Variants in ARHGAP26 observed in about 807,000 individuals in gnomAD.
ARHGAP26 encodes the protein Rho GTPase activating protein 26, also known as rho GTPase-activating protein 26.
Under a neutral mutation model 104.8 loss-of-function variants are expected in ARHGAP26, and 38 were observed. That is an observed-to-expected ratio of 0.36 (90% CI 0.28 to 0.48). ARHGAP26 has a LOEUF of 0.48. ARHGAP26 is among the 20% of genes least tolerant of loss of function. The pLI is 0.99. For synonymous variants in ARHGAP26, 341 were observed against 340.0 expected (o/e 1.00, Z -0.03); for missense variants, 704 against 947.9 (o/e 0.74, Z 3.38).
chr5:143,224,577 A>G lies in ARHGAP26; in HGVS notation c.*2131A>G, dbSNP rs1811511703. 1 of 231,382 alleles carries G rather than the reference A, an allele frequency of 4.3e-6. No homozygotes were observed. The highest frequency in any genetic ancestry group is 2.2e-5 in the African/African-American group (1 of 45,234). The allele number at this position is 231,382 out of a possible 1,614,324, so 14.3% of individuals were successfully genotyped here. On this transcript the variant is annotated 3_prime_UTR_variant, in exon 23 of 23. Transcript: ENST00000645722. ...CCCCAAGATATCAGGCCAGAAAGAG[A>G]TGAGTCAGTTGCTGTGCTCTTTACT... is the stretch of plus-strand genomic sequence containing the variant.
intron 18 of ARHGAP26, among the ~76,000 whole-genome samples, chr5:143,132,738 C>T (rs1318689233): frequency 1.3e-5 from 2 of 151,842 alleles, no homozygotes; most frequent in Non-Finnish European, 2.9e-5. Flanking sequence ...AACCACAGAA[C>T]GTGTTTGCCT....
intron 1 of ARHGAP26, among the ~76,000 whole-genome samples, chr5:142,872,603 C>A (rs1328770689): frequency 6.6e-6 from 1 of 152,234 alleles, no homozygotes; most frequent in Non-Finnish European, 1.5e-5. Flanking sequence ...CCGGAAGGAT[C>A]ACTGGCTTTC....
chr5:143,023,194 G>A (rs1219790493), intron 12 of ARHGAP26, among the ~76,000 whole-genome samples: 26 of 152,212 alleles, frequency 1.7e-4, no homozygotes, highest in Admixed American at 1.6e-3. Flanking sequence ...TCTTTAGGCC[G>A]TCATTCAGAG....
chr5:142,962,955 C>T (rs1221333168), intron 11 of ARHGAP26, among the ~76,000 whole-genome samples: 1 of 151,846 alleles, frequency 6.6e-6, no homozygotes, highest in African/African-American at 2.4e-5. Flanking sequence ...CCTTCTCCCA[C>T]CCTCCACTCT....
In ARHGAP26 at chr5:143,023,930, C is replaced by T. The variant is rs543495998; in HGVS notation, c.1144+9814C>T. Among the ~76,000 whole-genome samples, 11 of 152,306 alleles carry T rather than the reference C, an allele frequency of 7.2e-5. No individual in the cohort carries two copies. In the East Asian group the frequency reaches 1.9e-3, roughly 27 times the overall value. ...TCCTCTCTCCTGTGCATGCAGTTTC[C>T]GTGGCCACCACTTTCATCTTCTGAG... is the stretch of plus-strand genomic sequence containing the variant. On this transcript the variant is annotated intron_variant, in intron 12 of 22. Transcript: ENST00000645722.
In ARHGAP26 at chr5:142,970,009, A is replaced by C. The variant is rs529766949; in HGVS notation, c.1107+37884A>C. 2.0e-5 allele frequency among the ~76,000 whole-genome samples: 3 copies of C among 152,360 alleles called. No homozygotes were observed. The South Asian group carries it at 6.2e-4, about 32-fold the overall frequency. On this transcript the variant is annotated intron_variant, in intron 11 of 22. Coordinates refer to ENST00000645722, the MANE Select transcript of ARHGAP26 (RefSeq NM_001135608.3). Reference sequence around the variant, plus strand: ...GCATCTTGGTAGGCAGAAAGGAAGAATACAGCATTTTATTTTCTGCCAGTG... The same window carrying C: ...GCATCTTGGTAGGCAGAAAGGAAGACTACAGCATTTTATTTTCTGCCAGTG...
intron 3 of ARHGAP26, among the ~76,000 whole-genome samples, chr5:142,877,216 T>C (rs1756254714): frequency 6.6e-6 from 1 of 152,212 alleles, no homozygotes; most frequent in South Asian, 2.1e-4. Context: ...AGCAAGCCCC[T>C]TCTCTACCTC....
At chr5:142,831,340 C>G (rs1396424017) in intron 1 of ARHGAP26, among the ~76,000 whole-genome samples, 1 of 152,032 alleles carries the variant, frequency 6.6e-6, no homozygotes, top group Non-Finnish European at 1.5e-5. Context: ...TCTCCCACCC[C>G]CTGGCCTTTC....
At chr5:142,793,338 G>A (rs1337034350) in intron 1 of ARHGAP26, among the ~76,000 whole-genome samples, 2 of 145,216 alleles carry the variant, frequency 1.4e-5, no homozygotes, top group Non-Finnish European at 3.0e-5. Flanking sequence ...AAGCATGCTA[G>A]TTTGAAATAC....
chr5:142,820,702 T>G (rs951147217), intron 1 of ARHGAP26, among the ~76,000 whole-genome samples: 1 of 152,192 alleles, frequency 6.6e-6, no homozygotes, highest in African/African-American at 2.4e-5. Flanking sequence ...CAAAAGCCTT[T>G]TCTTTTGAAT....
chr5:142,793,014 T>C (rs1406471905), intron 1 of ARHGAP26, among the ~76,000 whole-genome samples: 1 of 152,146 alleles, frequency 6.6e-6, no homozygotes, highest in Non-Finnish European at 1.5e-5. Context: ...AACCCATGGG[T>C]ATTCCCCCTA....
At chr5:142,903,881 G>A (rs1339536870) in intron 8 of ARHGAP26, among the ~76,000 whole-genome samples, 2 of 152,150 alleles carry the variant, frequency 1.3e-5, no homozygotes, top group African/African-American at 4.8e-5. Context: ...TTGGGAACCT[G>A]CAATTCTTTA....
intron 14 of ARHGAP26, among the ~76,000 whole-genome samples, chr5:143,051,958 C>G (rs3776344): frequency 6.6e-6 from 1 of 151,912 alleles, no homozygotes; most frequent in Non-Finnish European, 1.5e-5. Flanking sequence ...CAGCTCTCCA[C>G]GTGTCTTAGG....
chr5:143,151,567 C>T (rs778553427), intron 20 of ARHGAP26, among the ~76,000 whole-genome samples: 8 of 152,106 alleles, frequency 5.3e-5, no homozygotes, highest in East Asian at 3.8e-4. Context: ...CTATGGTGCA[C>T]GCAGACAATG....
At chr5:142,963,163 GGTATATATGTATAT>G (rs776111507) in intron 11 of ARHGAP26, among the ~76,000 whole-genome samples, 8 of 112,202 alleles carry the variant, frequency 7.1e-5, no homozygotes, top group African/African-American at 3.0e-4. Context: ...AGTATTCCAT[GGTATATATGTATAT>G]ATATATATAT....
intron 1 of ARHGAP26, among the ~76,000 whole-genome samples, chr5:142,792,689 G>A (rs542124218): frequency 1.3e-5 from 2 of 152,214 alleles, no homozygotes; most frequent in African/African-American, 2.4e-5. Flanking sequence ...AGAGCACCCC[G>A]GCTGTGCTTT....
chr5:142,771,169 G>C, intron 1 of ARHGAP26: 1 of 1,289,322 alleles, frequency 7.8e-7, no homozygotes. Context: ...GTGGTGCTCT[G>C]GGGCAGCGCG....
chr5:142,875,930 A>G (rs1443232302), intron 3 of ARHGAP26, among the ~76,000 whole-genome samples: 1 of 152,270 alleles, frequency 6.6e-6, no homozygotes, highest in East Asian at 1.9e-4. Flanking sequence ...TTTTGTAGAG[A>G]TGAGGTCTTG....
rs1798578698 is a variant in ARHGAP26, at chr5:143,141,879, G to A, written c.1838-5352G>A. On this transcript the variant is annotated intron_variant, in intron 19 of 22. Coordinates refer to ENST00000645722, the MANE Select transcript of ARHGAP26 (RefSeq NM_001135608.3). The stretch of plus-strand genomic sequence containing the variant: ...TTTTAGGGCCAGTCTTCCTCATTGT[G>A]CCTCCACGTCTCTTTCCTGTGGATC... Among the ~76,000 whole-genome samples, 3 of 152,288 alleles carry A rather than the reference G, an allele frequency of 2.0e-5. No homozygotes were observed. The South Asian group carries it at 6.2e-4, about 32-fold the overall frequency.
Sources: gnomAD v4.1 joint callset for allele counts (sites outside exome capture counted in the v4.1 genomes callset) on GRCh38, gnomAD v4.1.1 for gene constraint, MANE v1.5 for transcripts, NCBI Gene and HGNC (gene_info 2026-07-23, HGNC 2026-07-21) for gene names.